The following HS3ST4 variants were observed in gnomAD, a reference collection of about 807,000 sequenced individuals.
HS3ST4 encodes the protein heparan sulfate glucosamine 3-O-sulfotransferase 4.
A neutral mutation model predicts 29.2 loss-of-function variants in HS3ST4; 17 were observed. That is an observed-to-expected ratio of 0.58 (90% CI 0.40 to 0.87). The LOEUF is 0.87. Among genes scored for constraint, HS3ST4 ranks in the 40% least tolerant of loss-of-function variants. The pLI, the probability that HS3ST4 is intolerant of heterozygous loss-of-function variation, is 0.00. For synonymous variants in HS3ST4, 314 were observed against 285.7 expected (o/e 1.10, Z -1.00); for missense variants, 627 against 634.5 (o/e 0.99, Z 0.13).
At chr16:26,068,863 A>C (rs1347703529) in intron 1 of HS3ST4, among the ~76,000 whole-genome samples, 1 of 152,106 alleles carries the variant, frequency 6.6e-6, no homozygotes, top group Non-Finnish European at 1.5e-5. Context: ...TATGATTTCA[A>C]GGATGTTTTA....
chr16:25,715,868 A>C (rs536268152), intron 1 of HS3ST4, among the ~76,000 whole-genome samples: 1 of 152,348 alleles, frequency 6.6e-6, no homozygotes, highest in Non-Finnish European at 1.5e-5. Context: ...TGAGAAGTCC[A>C]GCTTGGCAGC....
chr16:25,984,070 T>G (rs1421474103), intron 1 of HS3ST4, among the ~76,000 whole-genome samples: 2 of 152,218 alleles, frequency 1.3e-5, no homozygotes, highest in African/African-American at 2.4e-5. Context: ...TTCTTCCTGT[T>G]GGGAATGTTC....
intron 1 of HS3ST4, among the ~76,000 whole-genome samples, chr16:25,865,522 C>T (rs868095672): frequency 6.6e-6 from 1 of 152,048 alleles, no homozygotes; most frequent in Non-Finnish European, 1.5e-5. Flanking sequence ...TTCCTACTGT[C>T]GAGCTGTTAG....
chr16:25,859,233 C>G (rs1354801250), intron 1 of HS3ST4, among the ~76,000 whole-genome samples: 1 of 152,096 alleles, frequency 6.6e-6, no homozygotes, highest in Non-Finnish European at 1.5e-5. Context: ...ATACAATGAG[C>G]TTCTTGGAAA....
At chr16:25,852,607 C>T (rs9931071) in intron 1 of HS3ST4, among the ~76,000 whole-genome samples, 43,578 of 150,736 alleles carry the variant, frequency 0.29, 6,720 homozygotes, top group Admixed American at 0.35. Flanking sequence ...TAAGAGCTCT[C>T]GATACATTCT....
chr16:26,041,442 A>G (rs988092697), intron 1 of HS3ST4, among the ~76,000 whole-genome samples: 1 of 152,312 alleles, frequency 6.6e-6, no homozygotes. Context: ...CTCTAGGCCA[A>G]TCGATTCAGA....
rs143165558 is a variant in HS3ST4, at chr16:26,132,265, A to G, written c.735-3347A>G. Reference sequence around the variant, plus strand: ...GAGGAAAGGGAGCTTTGTCCTTTATAGATTTCAAGCAACTACTGGATATCT... The same window carrying G: ...GAGGAAAGGGAGCTTTGTCCTTTATGGATTTCAAGCAACTACTGGATATCT... On this transcript the variant is annotated intron_variant, in intron 1 of 1. Coordinates refer to ENST00000331351, the MANE Select transcript of HS3ST4 (RefSeq NM_006040.3). Among the ~76,000 whole-genome samples, 42 of 152,342 alleles carry G rather than the reference A, an allele frequency of 2.8e-4. No individual in the cohort carries two copies. In the East Asian group the frequency reaches 7.5e-3, roughly 27 times the overall value.
chr16:26,107,372 A>G (rs1425322843), intron 1 of HS3ST4, among the ~76,000 whole-genome samples: 1 of 151,498 alleles, frequency 6.6e-6, no homozygotes, highest in South Asian at 2.1e-4. Context: ...ACACACACAT[A>G]TGCACACACA....
At chr16:25,735,707 A>G (rs1352765796) in intron 1 of HS3ST4, among the ~76,000 whole-genome samples, 1 of 152,138 alleles carries the variant, frequency 6.6e-6, no homozygotes, top group African/African-American at 2.4e-5. Context: ...ATACTTTTAA[A>G]TGGCTCAGCC....
At chr16:25,851,318 G>A (rs1031690782) in intron 1 of HS3ST4, among the ~76,000 whole-genome samples, 1 of 152,270 alleles carries the variant, frequency 6.6e-6, no homozygotes, top group Middle Eastern at 3.4e-3. Context: ...CATGTTGCAA[G>A]TGGCTGTCAT....
At chr16:25,804,733 A>G (rs1225751975) in intron 1 of HS3ST4, among the ~76,000 whole-genome samples, 1 of 152,032 alleles carries the variant, frequency 6.6e-6, no homozygotes, top group African/African-American at 2.4e-5. Context: ...TTGCCCCCCA[A>G]AACCGCACAA....
At chr16:25,748,277 T>C (rs1389491992) in intron 1 of HS3ST4, among the ~76,000 whole-genome samples, 1 of 152,140 alleles carries the variant, frequency 6.6e-6, no homozygotes, top group Non-Finnish European at 1.5e-5. Flanking sequence ...GAACCCATAC[T>C]GTGCCCCATT....
rs1596545166 is a variant in HS3ST4 at position 25,692,515 on chromosome 16, G to T, written c.98G>T (p.Arg33Leu). 1 of 1,421,168 alleles carries T rather than the reference G, an allele frequency of 7.0e-7. No homozygotes were observed. 88.0% of individuals were successfully genotyped at this position (1,421,168 alleles called of 1,614,324 possible). A position where few individuals can be genotyped will look rare whatever the true frequency, so the allele number is the denominator to read the frequency against. ...PGASAKGPPARKLLFMCTLSL... is the reference protein window; with the variant it reads ...PGASAKGPPALKLLFMCTLSL... ...GCCTCTGCTAAGGGGCCGCCGGCGC[G>T]CAAGCTGCTTTTTATGTGCACCTTG... is the stretch of plus-strand genomic sequence containing the variant. The change falls in exon 1 of 2, where the codon CGC becomes CTC. Residue 33 changes from arginine (R) to leucine (L), a missense_variant. Physicochemically the swap from Arg to Leu is moderately radical, Grantham distance 102. Around this residue, in one of 2 missense-constraint regions of HS3ST4, gnomAD observed 402 missense variants for 340.8 expected, o/e 1.18. Transcript: ENST00000331351.
At chr16:25,955,817 CTTTT>C (rs67504831) in intron 1 of HS3ST4, among the ~76,000 whole-genome samples, 1 of 142,170 alleles carries the variant, frequency 7.0e-6, no homozygotes, top group Non-Finnish European at 1.5e-5. Context: ...GTGATGTATA[CTTTT>C]TTTTTTTTTT....
At chr16:26,131,404 C>G (rs1158667514) in intron 1 of HS3ST4, among the ~76,000 whole-genome samples, 1 of 152,218 alleles carries the variant, frequency 6.6e-6, no homozygotes, top group Non-Finnish European at 1.5e-5. Flanking sequence ...ATAGTCTATT[C>G]CCTGTCTGTC....
intron 1 of HS3ST4, among the ~76,000 whole-genome samples, chr16:26,036,550 A>G (rs1241804992): frequency 3.9e-5 from 6 of 152,112 alleles, no homozygotes; most frequent in Non-Finnish European, 8.8e-5. Context: ...GTTCAACTTT[A>G]CCTTATAATG....
chr16:25,716,077 G>T (rs988114663), intron 1 of HS3ST4, among the ~76,000 whole-genome samples: 7 of 152,168 alleles, frequency 4.6e-5, no homozygotes, highest in African/African-American at 1.7e-4. Context: ...GTGTGGCGAT[G>T]GTAGTGGTTT....
rs1966453031 is a variant in HS3ST4, at chr16:25,716,203, G to A, written c.734+23052G>A. Among the ~76,000 whole-genome samples, 3 of 152,208 alleles carry A rather than the reference G, an allele frequency of 2.0e-5. No individual in the cohort carries two copies. In the South Asian group the frequency reaches 6.2e-4, roughly 32 times the overall value. ...ATAATCTTTTATGGAGATGCTCCTTGACATAAAATCCCCAGTGTTCATAGA... is the reference window on the plus strand; with the variant it reads ...ATAATCTTTTATGGAGATGCTCCTTAACATAAAATCCCCAGTGTTCATAGA... On this transcript the variant is annotated intron_variant, in intron 1 of 1. Transcript: ENST00000331351.
At chr16:25,898,264 TAA>T (rs1968090375) in intron 1 of HS3ST4, among the ~76,000 whole-genome samples, 1 of 152,270 alleles carries the variant, frequency 6.6e-6, no homozygotes, top group Admixed American at 6.5e-5. Context: ...TTAGTAGTGC[TAA>T]TGGCACTCAC....
Sources: gnomAD v4.1 joint callset for allele counts (sites outside exome capture counted in the v4.1 genomes callset) on GRCh38, gnomAD v4.1.1 for gene constraint, gnomAD v4.1.1 regional missense constraint, MANE v1.5 for transcripts, NCBI Gene and HGNC (gene_info 2026-07-23, HGNC 2026-07-21) for gene names.